LIMS1: variants seen among roughly 807,000 people sequenced by gnomAD.
LIMS1 encodes the protein LIM zinc finger domain containing 1.
A neutral mutation model predicts 44.1 loss-of-function variants in LIMS1; 18 were observed. That is an observed-to-expected ratio of 0.41 (90% CI 0.28 to 0.61). LIMS1 has a LOEUF of 0.61. LIMS1 is among the 20% of genes least tolerant of loss of function. The pLI is 0.32. For missense variants in LIMS1, 201 were observed against 422.0 expected (o/e 0.48, Z 4.59); for synonymous variants, 93 against 149.1 (o/e 0.62, Z 2.74).
intron 2 of LIMS1, among the ~76,000 whole-genome samples, chr2:108,667,812 C>T (rs1335186140): frequency 6.6e-6 from 1 of 152,040 alleles, no homozygotes; most frequent in Admixed American, 6.6e-5. Flanking sequence ...TACTTACTTG[C>T]ATATAACCTA....
At chr2:108,631,051 A>T (rs1688891999) in intron 1 of LIMS1, among the ~76,000 whole-genome samples, 1 of 152,240 alleles carries the variant, frequency 6.6e-6, no homozygotes, top group Non-Finnish European at 1.5e-5. Context: ...TTATTATGAC[A>T]GGATGAAGTT....
At chr2:108,595,770 C>A (rs1686650274) in intron 1 of LIMS1, among the ~76,000 whole-genome samples, 1 of 152,136 alleles carries the variant, frequency 6.6e-6, no homozygotes, top group Admixed American at 6.5e-5. Context: ...CCTTTATAAT[C>A]TTTTAGGGCC....
intron 1 of LIMS1, among the ~76,000 whole-genome samples, chr2:108,579,116 C>G (rs1430448716): frequency 6.6e-6 from 1 of 152,072 alleles, no homozygotes; most frequent in Admixed American, 6.6e-5. Flanking sequence ...ACTGGTTTAA[C>G]TAACATTCAT....
At chr2:108,581,624 G>T (rs1303092239) in intron 1 of LIMS1, among the ~76,000 whole-genome samples, 1 of 152,152 alleles carries the variant, frequency 6.6e-6, no homozygotes, top group Non-Finnish European at 1.5e-5. Context: ...CTCTTTCTTA[G>T]ATGTTATTAT....
rs1573303063 is a variant in LIMS1, at chr2:108,547,475, A to C, written c.32+12881A>C. Among the ~76,000 whole-genome samples the C allele has an allele frequency of 2.6e-5, 4 of 152,284 alleles. No individual in the cohort carries two copies. In the East Asian group the frequency reaches 7.7e-4, roughly 29 times the overall value. On this transcript the variant is annotated intron_variant, in intron 1 of 9. Transcript: ENST00000544547. ...GCCCACAACACAGATGCAGAAAGAG[A>C]CAGGTAAAAATGACAGGTGCCAAGC...
intron 1 of LIMS1, among the ~76,000 whole-genome samples, chr2:108,653,978 G>C (rs1184348507): frequency 6.8e-6 from 1 of 147,804 alleles, no homozygotes; most frequent in African/African-American, 2.5e-5. Flanking sequence ...CAATAGGGCA[G>C]AGGAAGCAAT....
intron 1 of LIMS1, among the ~76,000 whole-genome samples, chr2:108,615,344 A>G (rs1381193940): frequency 6.6e-6 from 1 of 152,060 alleles, no homozygotes. Flanking sequence ...TGAGTGAGAT[A>G]CCCTCTATTT....
At chr2:108,599,704 TG>T (rs1686898798) in intron 1 of LIMS1, among the ~76,000 whole-genome samples, 1 of 152,216 alleles carries the variant, frequency 6.6e-6, no homozygotes, top group Admixed American at 6.5e-5. Context: ...GCCTGTCTTT[TG>T]GTTATAAGCC....
intron 1 of LIMS1, among the ~76,000 whole-genome samples, chr2:108,599,643 A>G (rs11891285): frequency 0.025 from 3,819 of 152,234 alleles, 99 homozygotes; most frequent in African/African-American, 0.064. Context: ...ATTTCCACCA[A>G]CAGGGTACAA....
intron 9 of LIMS1, chr2:108,681,557 A>G: frequency 1.0e-6 from 1 of 959,870 alleles, no homozygotes; most frequent in South Asian, 4.8e-5. Flanking sequence ...TGCCACGATC[A>G]TTTAATTGAT....
intron 1 of LIMS1, among the ~76,000 whole-genome samples, chr2:108,543,290 G>T (rs2104572712): frequency 6.6e-6 from 1 of 152,278 alleles, no homozygotes; most frequent in East Asian, 1.9e-4. Context: ...AATTAGCTGG[G>T]CATGGTGGCA....
intron 1 of LIMS1, among the ~76,000 whole-genome samples, chr2:108,618,823 C>CAAAAAAAAAAAAAAA (rs36086497): frequency 1.2e-5 from 1 of 85,738 alleles, no homozygotes; most frequent in Non-Finnish European, 2.3e-5. Context: ...GACTCCGTCT[C>CAAAAAAAAAAAAAAA]AAAAAAAAAA....
intron 1 of LIMS1, among the ~76,000 whole-genome samples, chr2:108,555,101 C>A (rs1684880193): frequency 6.6e-6 from 1 of 152,194 alleles, no homozygotes; most frequent in Non-Finnish European, 1.5e-5. Context: ...AGAATCCATT[C>A]TTTAAGTAGG....
chr2:108,593,112 T>C (rs1223675451), intron 1 of LIMS1, among the ~76,000 whole-genome samples: 3 of 152,216 alleles, frequency 2.0e-5, no homozygotes, highest in Non-Finnish European at 4.4e-5. Context: ...CCAATCATTC[T>C]CTGCTTTTGT....
chr2:108,563,246 G>T (rs1193861130), intron 1 of LIMS1, among the ~76,000 whole-genome samples: 1 of 152,238 alleles, frequency 6.6e-6, no homozygotes, highest in Non-Finnish European at 1.5e-5. Context: ...CAGGGATCAA[G>T]GAGTAACTTC....
chr2:108,679,996 AG>A (rs1692847404), intron 8 of LIMS1, among the ~76,000 whole-genome samples: 1 of 151,806 alleles, frequency 6.6e-6, no homozygotes. Context: ...AGACCGAGGC[AG>A]GTAGATTGCT....
rs775667382 is a variant in LIMS1 at position 108,676,032 on chromosome 2, A to G, written c.681+4A>G. ...GGGCAAGCAGTGGCATGTGGAGGTG[A>G]GTTCTAAATGGCAAAGGGTAACCAA... is the stretch of plus-strand genomic sequence containing the variant. On this transcript the variant is annotated splice_donor_region_variant and intron_variant, in intron 6 of 9. Coordinates refer to ENST00000544547, the Ensembl canonical transcript of LIMS1. 5.8e-5 allele frequency: 93 copies of G among 1,610,838 alleles called. No individual in the cohort carries two copies. Among genetic ancestry groups the G allele is most frequent in the Middle Eastern group, 5.0e-4 (3 of 6,012 alleles).
At chr2:108,672,956 A>G in exon 5 of LIMS1, 1 of 1,075,748 alleles carries the variant, frequency 9.3e-7, no homozygotes, top group East Asian at 2.5e-5. Context: ...ATGCCATGCT[A>G]TCATCGATGA....
At chr2:108,629,014 G>T (rs1688743181) in intron 1 of LIMS1, among the ~76,000 whole-genome samples, 1 of 152,226 alleles carries the variant, frequency 6.6e-6, no homozygotes, top group East Asian at 1.9e-4. Flanking sequence ...TCCATCATAA[G>T]CAGCTGTGCA....
Sources: gnomAD v4.1 joint callset for allele counts (sites outside exome capture counted in the v4.1 genomes callset) on GRCh38, gnomAD v4.1.1 for gene constraint, MANE v1.5 for transcripts, NCBI Gene and HGNC (gene_info 2026-07-23, HGNC 2026-07-21) for gene names.